The following C11orf97 variants were observed in gnomAD, a reference collection of about 807,000 sequenced individuals.
C11orf97 encodes uncharacterized protein C11orf97.
C11orf97 carries 15 observed loss-of-function variants against 16.2 expected under a neutral mutation model. That is an observed-to-expected ratio of 0.93 (90% CI 0.62 to 1.43). C11orf97 has a LOEUF of 1.43. Among genes scored for constraint, C11orf97 ranks in the 40% most tolerant of loss-of-function variants. C11orf97 has a pLI of 0.00. For synonymous variants in C11orf97, 61 were observed against 65.7 expected (o/e 0.93, Z 0.34); for missense variants, 171 against 161.2 (o/e 1.06, Z -0.33).
In C11orf97 at chr11:94,531,997, CA is replaced by C. The variant is rs904252320; in HGVS notation, c.*104del. 16 of 989,890 alleles carry C rather than the reference CA, an allele frequency of 1.6e-5. No homozygotes were observed. Among genetic ancestry groups the C allele is most frequent in the Middle Eastern group, 2.2e-4 (1 of 4,446 alleles). The allele number at this position is 989,890 out of a possible 1,614,324, so 61.3% of individuals were successfully genotyped here. A position where few individuals can be genotyped will look rare whatever the true frequency, so the allele number is the denominator to read the frequency against. On this transcript the variant is annotated 3_prime_UTR_variant, in exon 4 of 4. Coordinates refer to ENST00000542198, the MANE Select transcript of C11orf97 (RefSeq NM_001190462.2). Reference sequence around the variant, plus strand: ...CTTGTTTCAGGATTTAAGATGTGTGCAAAAAAATGATAGCCTGTAATTACTA... The same window carrying C: ...CTTGTTTCAGGATTTAAGATGTGTGCAAAAAATGATAGCCTGTAATTACTA...
At chr11:94,528,304 C>A in intron 3 of C11orf97, 95 bp downstream of exon 3, 1 of 1,131,642 alleles carries the variant, frequency 8.8e-7, no homozygotes, top group South Asian at 2.2e-5. Context: ...AGATCTCAAT[C>A]AAAACTCAAC....
chr11:94,522,959 A>C (rs576302022), intron 2 of C11orf97, among the ~76,000 whole-genome samples: 2 of 152,274 alleles, frequency 1.3e-5, no homozygotes, highest in Admixed American at 1.3e-4. Context: ...GGGTTGGGTT[A>C]CAATGCCCCG....
At chr11:94,514,640 CTTTTTT>C (rs10562282) in intron 1 of C11orf97, among the ~76,000 whole-genome samples, 1 of 82,468 alleles carries the variant, frequency 1.2e-5, no homozygotes, top group African/African-American at 4.7e-5. Context: ...TTATTTTTGC[CTTTTTT>C]TTTTTTTTTT....
At chr11:94,521,721 A>C (rs1042288108) in intron 2 of C11orf97, among the ~76,000 whole-genome samples, 1 of 152,234 alleles carries the variant, frequency 6.6e-6, no homozygotes, top group African/African-American at 2.4e-5. Context: ...TCCCCATCTT[A>C]GGATGAGTAA....
At chr11:94,528,004 C>A in intron 2 of C11orf97, 80 bp from the exon 3 acceptor site, 1 of 1,328,746 alleles carries the variant, frequency 7.5e-7, no homozygotes, top group Non-Finnish European at 9.9e-7. Context: ...AAAAAAATCA[C>A]CAATTAAATA....
intron 3 of C11orf97, among the ~76,000 whole-genome samples, chr11:94,531,088 T>C (rs1947734711): frequency 2.0e-5 from 3 of 152,296 alleles, no homozygotes; most frequent in Admixed American, 2.0e-4. Flanking sequence ...AGAATTATGA[T>C]CATCCAACTG....
intron 3 of C11orf97, among the ~76,000 whole-genome samples, chr11:94,531,050 T>A (rs964109599): frequency 2.0e-5 from 3 of 152,222 alleles, no homozygotes; most frequent in Admixed American, 6.5e-5. Context: ...TTCCAACATA[T>A]AATACACATC....
chr11:94,529,802 T>C (rs1202778914), intron 3 of C11orf97, among the ~76,000 whole-genome samples: 2 of 152,210 alleles, frequency 1.3e-5, no homozygotes, highest in Non-Finnish European at 2.9e-5. Context: ...CACAGGGTTT[T>C]AGGAATCTGG....
chr11:94,520,639 G>A (rs77927192), intron 2 of C11orf97, among the ~76,000 whole-genome samples: 2,618 of 152,218 alleles, frequency 0.017, 87 homozygotes, highest in African/African-American at 0.06. Context: ...CCCATATCAT[G>A]AGATGGTACC....
intron 1 of C11orf97, among the ~76,000 whole-genome samples, chr11:94,516,723 G>A (rs1159507473): frequency 1.3e-5 from 2 of 152,144 alleles, no homozygotes; most frequent in African/African-American, 4.8e-5. Flanking sequence ...GTGGAGTAAG[G>A]GAAAGTTTTC....
At chr11:94,519,283 A>G (rs1947638535) in intron 2 of C11orf97, among the ~76,000 whole-genome samples, 2 of 152,156 alleles carry the variant, frequency 1.3e-5, no homozygotes, top group African/African-American at 4.8e-5. Context: ...AAAAGGAGAG[A>G]CCAATAAAAT....
chr11:94,513,227 G>T (rs960985567), intron 1 of C11orf97, among the ~76,000 whole-genome samples: 21 of 152,138 alleles, frequency 1.4e-4, no homozygotes, highest in African/African-American at 4.8e-4. Context: ...CATAATTATG[G>T]GCTACATTTT....
rs374642611 is a variant in C11orf97, at chr11:94,515,557, CCCTTCCTTTCCTTTT to C, written c.146-2011_146-1997del. Among the ~76,000 whole-genome samples, 142 of 150,166 alleles carry C rather than the reference CCCTTCCTTTCCTTTT, an allele frequency of 9.5e-4. 2 individuals are homozygous for C. Among genetic ancestry groups the C allele is most frequent in the Middle Eastern group, 3.4e-3 (1 of 292 alleles). On this transcript the variant is annotated intron_variant, in intron 1 of 3. Coordinates refer to ENST00000542198, the MANE Select transcript of C11orf97 (RefSeq NM_001190462.2). ...CTTCTTTCTTTTTTAAATTTGCTTT[CCCTTCCTTTCCTTTT>C]CCTTCCTTTCCTTTCCCTTTCTCCT...
At chr11:94,519,831 A>C (rs1283369461) in intron 2 of C11orf97, among the ~76,000 whole-genome samples, 4 of 152,234 alleles carry the variant, frequency 2.6e-5, no homozygotes, top group Non-Finnish European at 4.4e-5. Context: ...CATTGGCCAG[A>C]ACAGAGAATT....
Position 94,528,125 on chromosome 11 carries a change from G to T in C11orf97, c.292G>T (p.Val98Leu), listed in dbSNP as rs1160808700. 6.5e-7 allele frequency: 1 copy of T among 1,535,808 alleles called. No homozygotes were observed. The highest frequency in any genetic ancestry group is 8.7e-7 in the Non-Finnish European group (1 of 1,146,708). ...TTGGAGCATTAAAAGGAATCTGCCT[G>T]TGGGAGGCTTGAAGCCAGGACTGCC... Reference protein sequence around the residue: ...GIWSIKRNLPVGGLKPGLPSR... With the variant: ...GIWSIKRNLPLGGLKPGLPSR... The change falls in exon 3 of 4, where the codon GTG (valine) becomes TTG (leucine). Residue 98 changes from valine (V) to leucine (L), a missense_variant. Val to Leu is a conservative substitution (Grantham distance 32). Coordinates refer to ENST00000542198, the MANE Select transcript of C11orf97 (RefSeq NM_001190462.2).
At chr11:94,521,832 C>T (rs917152616) in intron 2 of C11orf97, among the ~76,000 whole-genome samples, 8 of 152,170 alleles carry the variant, frequency 5.3e-5, no homozygotes, top group Non-Finnish European at 1.2e-4. Flanking sequence ...TGGCTTTCTA[C>T]TCACTATGGT....
At chr11:94,519,508 A>C (rs1211797286) in intron 2 of C11orf97, among the ~76,000 whole-genome samples, 6 of 152,210 alleles carry the variant, frequency 3.9e-5, no homozygotes, top group African/African-American at 1.2e-4. Flanking sequence ...TAGTTTATAC[A>C]CTAGCTGTAT....
rs548748460 is a variant in C11orf97, at chr11:94,525,536, G to A, written c.251-2548G>A. Among the ~76,000 whole-genome samples the A allele has an allele frequency of 7.2e-5, 11 of 152,258 alleles. No individual in the cohort carries two copies. In the South Asian group the frequency reaches 1.5e-3, roughly 20 times the overall value. On this transcript the variant is annotated intron_variant, in intron 2 of 3. Coordinates refer to ENST00000542198, the MANE Select transcript of C11orf97 (RefSeq NM_001190462.2). ...AATGTTTTTTGTACCTACAATATAG[G>A]AGGAATTTACTAGACACCAGTTATT...
intron 1 of C11orf97, 85 bp downstream of exon 1, chr11:94,512,758 G>A (rs769853424): frequency 1.6e-6 from 2 of 1,216,692 alleles, no homozygotes; most frequent in East Asian, 6.3e-5. Flanking sequence ...ACCGCAGTGG[G>A]ACTGGCTGAG....
Sources: allele counts gnomAD v4.1 joint callset (sites outside exome capture counted in the v4.1 genomes callset), GRCh38; gene constraint gnomAD v4.1.1; transcripts MANE v1.5; gene names NCBI Gene and HGNC (gene_info 2026-07-23, HGNC 2026-07-21).